SEMA3C: variants seen among roughly 807,000 people sequenced by gnomAD.
SEMA3C encodes the protein semaphorin-3C.
SEMA3C carries 47 observed loss-of-function variants against 89.4 expected under a neutral mutation model. That is an observed-to-expected ratio of 0.53 (90% CI 0.42 to 0.67). The LOEUF (loss-of-function observed/expected upper bound fraction) is 0.67. Among genes scored for constraint, SEMA3C ranks in the 30% least tolerant of loss-of-function variants. SEMA3C has a pLI of 0.00. For synonymous variants in SEMA3C, 310 were observed against 320.2 expected, an observed-to-expected ratio of 0.97 and a Z score of 0.34; for missense variants, 839 against 929.1, an observed-to-expected ratio of 0.90 and a Z score of 1.26.
At chr7:80,777,244 C>G (rs1171794954) in intron 12 of SEMA3C, among the ~76,000 whole-genome samples, 1 of 152,006 alleles carries the variant, frequency 6.6e-6, no homozygotes, top group African/African-American at 2.4e-5. Flanking sequence ...TATTCCCTAA[C>G]CTTTCATCCA....
intron 2 of SEMA3C, among the ~76,000 whole-genome samples, chr7:80,881,164 AACACACACAC>A (rs71802410): frequency 3.6e-3 from 492 of 135,530 alleles, no homozygotes; most frequent in African/African-American, 9.6e-3. Flanking sequence ...TGGAGAAAGA[AACACACACAC>A]ACACACACAC....
chr7:80,812,961 ATTTTTTTTTT>A (rs1215661147), intron 5 of SEMA3C, among the ~76,000 whole-genome samples: 2 of 92,506 alleles, frequency 2.2e-5, no homozygotes, highest in Non-Finnish European at 2.1e-5. Context: ...TATTTTTTGT[ATTTTTTTTTT>A]TTTTTTTTTT....
chr7:80,795,966 A>G (rs971121725), intron 11 of SEMA3C, among the ~76,000 whole-genome samples: 2 of 152,210 alleles, frequency 1.3e-5, no homozygotes, highest in Admixed American at 1.3e-4. Flanking sequence ...AGACTGCATG[A>G]GGCTCTGAGG....
At chr7:80,864,602 C>A (rs990972434) in intron 2 of SEMA3C, among the ~76,000 whole-genome samples, 1 of 152,036 alleles carries the variant, frequency 6.6e-6, no homozygotes, top group African/African-American at 2.4e-5. Flanking sequence ...CCCTCACCAA[C>A]ACCTTACAAG....
chr7:80,745,390 A>C lies in SEMA3C; in HGVS notation c.1843-83T>G, dbSNP rs186305268. 1.7e-5 allele frequency: 23 copies of C among 1,333,920 alleles called. No homozygotes were observed. In the East Asian group the frequency reaches 5.5e-4, roughly 32 times the overall value. 82.6% of individuals were successfully genotyped at this position (1,333,920 alleles called of 1,614,324 possible). ...GACCAACATACACAGAATAGTCTCA[A>C]CTTTCACAGATTTGGGAAAAAAGTA... On this transcript the variant is annotated intron_variant, in intron 17 of 17. Coordinates refer to ENST00000265361, the MANE Select transcript of SEMA3C (RefSeq NM_006379.5).
chr7:80,820,093 T>C (rs1357446228), intron 4 of SEMA3C, among the ~76,000 whole-genome samples: 2 of 149,496 alleles, frequency 1.3e-5, no homozygotes, highest in Non-Finnish European at 3.0e-5. Flanking sequence ...AGTCTTGCTC[T>C]GTTGCCCAGG....
chr7:80,771,407 A>G (rs1396260237), intron 12 of SEMA3C, among the ~76,000 whole-genome samples: 1 of 152,216 alleles, frequency 6.6e-6, no homozygotes, highest in Non-Finnish European at 1.5e-5. Flanking sequence ...TCCATATGAG[A>G]TATTTTTATT....
At chr7:80,797,069 A>C (rs985481231) in intron 11 of SEMA3C, among the ~76,000 whole-genome samples, 3 of 152,210 alleles carry the variant, frequency 2.0e-5, no homozygotes, top group African/African-American at 7.2e-5. Context: ...TCAAGAAAAA[A>C]GGAACACCTT....
chr7:80,883,385 C>T (rs2116110781), intron 2 of SEMA3C, among the ~76,000 whole-genome samples: 1 of 152,244 alleles, frequency 6.6e-6, no homozygotes, highest in Admixed American at 6.5e-5. Context: ...AGAACCAGTC[C>T]CAGGAGTGTC....
intron 2 of SEMA3C, among the ~76,000 whole-genome samples, chr7:80,863,832 GATATATATATCA>G (rs1318575814): frequency 9.9e-6 from 1 of 100,776 alleles, no homozygotes; most frequent in East Asian, 3.1e-4. Flanking sequence ...TGTGATATGT[GATATATATATCA>G]CATATCACAT....
chr7:80,902,182 G>C (rs905772439), intron 2 of SEMA3C, among the ~76,000 whole-genome samples: 9 of 152,264 alleles, frequency 5.9e-5, no homozygotes, highest in Admixed American at 2.0e-4. Context: ...TGGACTCCTG[G>C]ACTCAAGCTA....
chr7:80,868,948 C>T (rs1241576844), intron 2 of SEMA3C, among the ~76,000 whole-genome samples: 3 of 152,028 alleles, frequency 2.0e-5, no homozygotes, highest in Admixed American at 6.6e-5. Flanking sequence ...ATTATAATAC[C>T]AAAATGCATA....
intron 2 of SEMA3C, among the ~76,000 whole-genome samples, chr7:80,897,157 A>G (rs540652722): frequency 2.0e-5 from 3 of 152,228 alleles, no homozygotes; most frequent in Non-Finnish European, 4.4e-5. Flanking sequence ...AATTATTAGA[A>G]AAATAAAGAT....
chr7:80,819,600 C>T (rs1218508145), intron 4 of SEMA3C, among the ~76,000 whole-genome samples: 1 of 152,186 alleles, frequency 6.6e-6, no homozygotes, highest in Non-Finnish European at 1.5e-5. Flanking sequence ...TGAGGAATGA[C>T]ATAATCAATC....
chr7:80,846,058 G>T (rs1790381620), intron 2 of SEMA3C, among the ~76,000 whole-genome samples: 1 of 151,930 alleles, frequency 6.6e-6, no homozygotes, highest in Admixed American at 6.6e-5. Flanking sequence ...GCAAATTCAG[G>T]GTGTCACTGA....
chr7:80,775,005 T>C (rs996587293), intron 12 of SEMA3C, among the ~76,000 whole-genome samples: 2 of 151,798 alleles, frequency 1.3e-5, no homozygotes, highest in Non-Finnish European at 2.9e-5. Context: ...GGAACGTAAT[T>C]ATTGGTAAGT....
At chr7:80,911,419 C>T (rs1281162200) in intron 2 of SEMA3C, among the ~76,000 whole-genome samples, 1 of 152,068 alleles carries the variant, frequency 6.6e-6, no homozygotes, top group East Asian at 1.9e-4. Flanking sequence ...CTAGATATAT[C>T]TTCTGAATCA....
At chr7:80,872,707 A>G (rs944259893) in intron 2 of SEMA3C, among the ~76,000 whole-genome samples, 1 of 150,068 alleles carries the variant, frequency 6.7e-6, no homozygotes, top group Non-Finnish European at 1.5e-5. Flanking sequence ...AAGCTGAGAC[A>G]GGAGAATCGC....
At chr7:80,867,762 A>AC (rs1215031870) in intron 2 of SEMA3C, among the ~76,000 whole-genome samples, 1 of 152,050 alleles carries the variant, frequency 6.6e-6, no homozygotes. Flanking sequence ...GTGTGGAAAA[A>AC]GTCATGAGAA....
Sources: gnomAD v4.1 joint callset for allele counts (sites outside exome capture counted in the v4.1 genomes callset) on GRCh38, gnomAD v4.1.1 for gene constraint, MANE v1.5 for transcripts, NCBI Gene and HGNC (gene_info 2026-07-23, HGNC 2026-07-21) for gene names.